Variants in PLCL1 observed in about 807,000 individuals in gnomAD.
PLCL1 encodes phospholipase C like 1 (inactive).
A neutral mutation model predicts 84.4 loss-of-function variants in PLCL1; 41 were observed. The observed-to-expected ratio is 0.49, with a 90% CI of 0.38 to 0.63. The LOEUF (loss-of-function observed/expected upper bound fraction) is 0.63, where lower values mean the gene tolerates loss of function less well. PLCL1 is among the 30% of genes least tolerant of loss of function. The pLI, the probability that PLCL1 is intolerant of heterozygous loss-of-function variation, is 0.00. For missense variants in PLCL1, 1,206 were observed against 1,367.8 expected (o/e 0.88, Z 1.87); for synonymous variants, 490 against 488.3 (o/e 1.00, Z -0.05).
chr2:198,125,389 A>G (rs1211161057), intron 5 of PLCL1, among the ~76,000 whole-genome samples: 1 of 151,980 alleles, frequency 6.6e-6, no homozygotes, highest in Non-Finnish European at 1.5e-5. Flanking sequence ...TTTTCCTTTT[A>G]TTTAAAATAT....
At chr2:197,923,212 C>CT (rs1688750758) in intron 1 of PLCL1, among the ~76,000 whole-genome samples, 1 of 143,576 alleles carries the variant, frequency 7.0e-6, no homozygotes, top group Non-Finnish European at 1.6e-5. Flanking sequence ...GGGGGCTGAC[C>CT]CCCCACCTCC....
chr2:197,875,387 G>A (rs947389211), intron 1 of PLCL1, among the ~76,000 whole-genome samples: 1 of 152,138 alleles, frequency 6.6e-6, no homozygotes, highest in African/African-American at 2.4e-5. Context: ...ATACAGTTAG[G>A]AATTTAGGAC....
intron 1 of PLCL1, among the ~76,000 whole-genome samples, chr2:197,833,001 C>T (rs758912445): frequency 3.3e-5 from 5 of 152,202 alleles, no homozygotes; most frequent in East Asian, 1.9e-4. Flanking sequence ...AGGCCAAGGC[C>T]GGCAGATCAT....
intron 1 of PLCL1, among the ~76,000 whole-genome samples, chr2:197,954,013 A>G (rs1689440468): frequency 6.6e-6 from 1 of 152,132 alleles, no homozygotes. Context: ...CCCTGTGTGT[A>G]CATGGCTGTT....
At chr2:198,022,659 G>A (rs1331147177) in intron 1 of PLCL1, among the ~76,000 whole-genome samples, 1 of 152,102 alleles carries the variant, frequency 6.6e-6, no homozygotes, top group Non-Finnish European at 1.5e-5. Context: ...TTGCTACAAA[G>A]AGAATAAAAT....
chr2:198,080,818 G>A (rs550857681), intron 1 of PLCL1, among the ~76,000 whole-genome samples: 2 of 152,256 alleles, frequency 1.3e-5, no homozygotes, highest in African/African-American at 2.4e-5. Context: ...TCTTTTTACT[G>A]GTTCCAAGTT....
intron 5 of PLCL1, among the ~76,000 whole-genome samples, chr2:198,132,768 T>A (rs1300789824): frequency 6.6e-6 from 1 of 152,148 alleles, no homozygotes; most frequent in South Asian, 2.1e-4. Context: ...TTTTCTCCCA[T>A]GTTGTAGGTT....
intron 5 of PLCL1, among the ~76,000 whole-genome samples, chr2:198,110,268 C>T (rs968245942): frequency 6.6e-6 from 1 of 151,822 alleles, no homozygotes; most frequent in African/African-American, 2.4e-5. Flanking sequence ...TTCCCCATAA[C>T]GCTTTTGCTT....
At chr2:197,989,574 A>T (rs1157985593) in intron 1 of PLCL1, among the ~76,000 whole-genome samples, 2 of 152,102 alleles carry the variant, frequency 1.3e-5, no homozygotes, top group Non-Finnish European at 2.9e-5. Flanking sequence ...CATAATATAC[A>T]TTTAAAAGTG....
Position 198,131,430 on chromosome 2 carries a change from A to C in PLCL1, c.3106-15350A>C, listed in dbSNP as rs16827822. On this transcript the variant is annotated intron_variant, in intron 5 of 5. Transcript: ENST00000428675. ...TCACGAGACAGTCTCTATTATTGTA[A>C]GCAATTAGGTGATGAATTTTAACAT... Among the ~76,000 whole-genome samples the C allele has an allele frequency of 6.0e-3, 917 of 152,274 alleles. 5 individuals are homozygous for C. Among genetic ancestry groups the C allele is most frequent in the South Asian group, 0.016 (75 of 4,822 alleles).
intron 1 of PLCL1, among the ~76,000 whole-genome samples, chr2:198,056,978 G>A (rs1350713979): frequency 6.6e-6 from 1 of 152,140 alleles, no homozygotes; most frequent in East Asian, 1.9e-4. Flanking sequence ...TGAGGATATA[G>A]CACATTTTGA....
At chr2:198,034,623 AAAAAC>A (rs1185881978) in intron 1 of PLCL1, among the ~76,000 whole-genome samples, 2 of 152,230 alleles carry the variant, frequency 1.3e-5, no homozygotes, top group Non-Finnish European at 2.9e-5. Flanking sequence ...GTGCATTTTG[AAAAAC>A]AAGGACATTC....
chr2:197,949,039 A>T (rs1689336693), intron 1 of PLCL1, among the ~76,000 whole-genome samples: 1 of 152,140 alleles, frequency 6.6e-6, no homozygotes, highest in African/African-American at 2.4e-5. Context: ...GCTTCTCTGC[A>T]TGCCAGAGCC....
intron 1 of PLCL1, among the ~76,000 whole-genome samples, chr2:197,982,110 T>C (rs1331409111): frequency 6.6e-6 from 1 of 151,718 alleles, no homozygotes; most frequent in African/African-American, 2.4e-5. Context: ...GTAAAAACTG[T>C]TATAATTCAA....
At chr2:198,078,072 C>T (rs967749377) in intron 1 of PLCL1, among the ~76,000 whole-genome samples, 4 of 152,148 alleles carry the variant, frequency 2.6e-5, no homozygotes, top group Non-Finnish European at 5.9e-5. Context: ...ATCACTATCT[C>T]TTTATTGTAA....
intron 1 of PLCL1, among the ~76,000 whole-genome samples, chr2:197,943,795 G>A (rs1689215145): frequency 6.6e-6 from 1 of 151,976 alleles, no homozygotes; most frequent in South Asian, 2.1e-4. Context: ...TTCTTTGAAT[G>A]TCTAAGTCTT....
chr2:198,051,011 G>A (rs542425012), intron 1 of PLCL1, among the ~76,000 whole-genome samples: 1 of 152,304 alleles, frequency 6.6e-6, no homozygotes, highest in African/African-American at 2.4e-5. Context: ...GTGGTACAAC[G>A]ACAACGTAAA....
intron 1 of PLCL1, among the ~76,000 whole-genome samples, chr2:197,855,408 C>G (rs889949548): frequency 6.6e-6 from 1 of 152,168 alleles, no homozygotes; most frequent in African/African-American, 2.4e-5. Flanking sequence ...TGGTCATTCA[C>G]AACAAATCAA....
At chr2:198,034,291 A>G (rs1691501972) in intron 1 of PLCL1, among the ~76,000 whole-genome samples, 1 of 152,200 alleles carries the variant, frequency 6.6e-6, no homozygotes, top group Non-Finnish European at 1.5e-5. Flanking sequence ...GATGGTTTCC[A>G]ACTTCATCTA....
Sources: gnomAD v4.1 joint callset for allele counts (sites outside exome capture counted in the v4.1 genomes callset) on GRCh38, gnomAD v4.1.1 for gene constraint, MANE v1.5 for transcripts, NCBI Gene and HGNC (gene_info 2026-07-23, HGNC 2026-07-21) for gene names.